CDH13: variants seen among roughly 807,000 people sequenced by gnomAD.
CDH13 encodes the protein cadherin 13, also known as cadherin-13.
A neutral mutation model predicts 63.8 loss-of-function variants in CDH13; 24 were observed. The observed-to-expected ratio is 0.38, with a 90% confidence interval of 0.27 to 0.53. CDH13 has a LOEUF of 0.53. Among genes scored for constraint, CDH13 ranks in the 20% least tolerant of loss-of-function variants. The pLI is 0.85. For synonymous variants in CDH13, 503 were observed against 355.3 expected, an observed-to-expected ratio of 1.42 and a Z score of -4.67; for missense variants, 1,049 against 903.1, an observed-to-expected ratio of 1.16 and a Z score of -2.07.
intron 1 of CDH13, among the ~76,000 whole-genome samples, chr16:82,714,974 G>A (rs1381511): frequency 0.99 from 121,328 of 122,780 alleles, 59,965 homozygotes; most frequent in Middle Eastern, 1. Flanking sequence ...ACACCAGCCA[G>A]TGTGTGATAC....
chr16:83,547,733 C>T (rs140455635), intron 7 of CDH13, among the ~76,000 whole-genome samples: 5 of 152,150 alleles, frequency 3.3e-5, no homozygotes, highest in Non-Finnish European at 7.4e-5. Context: ...CATGTCTTTG[C>T]TATAGTGAAT....
intron 8 of CDH13, among the ~76,000 whole-genome samples, chr16:83,651,457 C>CCCAT (rs1912365669): frequency 6.6e-6 from 1 of 151,882 alleles, no homozygotes. Context: ...ATTAATTATT[C>CCCAT]CCATTTTGCA....
intron 3 of CDH13, among the ~76,000 whole-genome samples, chr16:83,050,701 A>G (rs1040066880): frequency 2.6e-5 from 4 of 151,666 alleles, no homozygotes; most frequent in African/African-American, 9.7e-5. Context: ...TCTACAGCGC[A>G]TCTCCACCCG....
intron 3 of CDH13, among the ~76,000 whole-genome samples, chr16:83,073,485 C>T (rs1056258834): frequency 6.6e-6 from 1 of 152,044 alleles, no homozygotes; most frequent in African/African-American, 2.4e-5. Flanking sequence ...TAACCTATCA[C>T]AAAAGTTAGG....
At chr16:83,438,817 T>C (rs1381613254) in intron 6 of CDH13, among the ~76,000 whole-genome samples, 1 of 152,226 alleles carries the variant, frequency 6.6e-6, no homozygotes, top group African/African-American at 2.4e-5. Flanking sequence ...AGAAAGTCTA[T>C]GCAGCAGTGA....
At chr16:83,131,864 G>C (rs1567860828) in intron 4 of CDH13, among the ~76,000 whole-genome samples, 1 of 152,294 alleles carries the variant, frequency 6.6e-6, no homozygotes, top group East Asian at 1.9e-4. Context: ...GCCAAGTGCT[G>C]TTTGTAAAGG....
chr16:82,809,057 CAT>C (rs2151176205), intron 1 of CDH13, among the ~76,000 whole-genome samples: 1 of 152,064 alleles, frequency 6.6e-6, no homozygotes, highest in African/African-American at 2.4e-5. Flanking sequence ...TGTATGAATA[CAT>C]ATGTGTTTGT....
intron 3 of CDH13, among the ~76,000 whole-genome samples, chr16:83,111,310 T>C (rs2035046679): frequency 6.6e-6 from 1 of 152,194 alleles, no homozygotes; most frequent in Non-Finnish European, 1.5e-5. Flanking sequence ...GATAGAAGAA[T>C]GTCCCATGTG....
chr16:82,842,147 T>TATATACATAC (rs2039057350), intron 1 of CDH13, among the ~76,000 whole-genome samples: 4 of 21,438 alleles, frequency 1.9e-4, no homozygotes, highest in Non-Finnish European at 3.4e-4. Context: ...TACACATATA[T>TATATACATAC]ATATATATAT....
At chr16:83,098,744 G>A (rs897658713) in intron 3 of CDH13, among the ~76,000 whole-genome samples, 4 of 152,060 alleles carry the variant, frequency 2.6e-5, no homozygotes, top group Non-Finnish European at 4.4e-5. Flanking sequence ...TTTTTCCTCT[G>A]TGTGCCATGT....
intron 1 of CDH13, among the ~76,000 whole-genome samples, chr16:82,669,237 C>T (rs1912959953): frequency 1.3e-5 from 2 of 152,218 alleles, no homozygotes; most frequent in South Asian, 2.1e-4. Context: ...AACATTGGGT[C>T]AGCATGTTAG....
At chr16:83,615,165 C>T (rs10514590) in intron 8 of CDH13, among the ~76,000 whole-genome samples, 11,939 of 152,032 alleles carry the variant, frequency 0.079, 913 homozygotes, top group African/African-American at 0.19. Flanking sequence ...TCCAGGATTC[C>T]GTGCAATATA....
chr16:83,666,419 G>A (rs1382825053), intron 8 of CDH13, among the ~76,000 whole-genome samples: 1 of 152,166 alleles, frequency 6.6e-6, no homozygotes, highest in Non-Finnish European at 1.5e-5. Context: ...TAATTGTGTT[G>A]AATGTTTTCC....
intron 7 of CDH13, among the ~76,000 whole-genome samples, chr16:83,491,568 GTT>G (rs57321427): frequency 2.9e-3 from 412 of 143,226 alleles, no homozygotes; most frequent in Middle Eastern, 0.011. Flanking sequence ...AATGGTCAGG[GTT>G]TTTTTTTTTT....
intron 1 of CDH13, among the ~76,000 whole-genome samples, chr16:82,716,005 C>T (rs1020004375): frequency 6.6e-6 from 1 of 152,192 alleles, no homozygotes; most frequent in Non-Finnish European, 1.5e-5. Context: ...GTCAGCTTCC[C>T]TGCAGTCTGC....
At chr16:83,678,687 G>T (rs544655310) in intron 10 of CDH13, among the ~76,000 whole-genome samples, 2 of 152,194 alleles carry the variant, frequency 1.3e-5, no homozygotes, top group African/African-American at 2.4e-5. Context: ...CCTGGGAGAA[G>T]AGTAGCTTCA....
chr16:83,344,840 C>T (rs755314896), intron 5 of CDH13, 22 bp from the exon 6 acceptor site: 1 of 1,612,256 alleles, frequency 6.2e-7, no homozygotes, highest in South Asian at 1.1e-5. Flanking sequence ...TTCTTTCTCC[C>T]CCAATCTCTT....
chr16:83,112,471 T>G (rs1204622366), intron 3 of CDH13, among the ~76,000 whole-genome samples: 3 of 152,222 alleles, frequency 2.0e-5, no homozygotes, highest in African/African-American at 7.2e-5. Flanking sequence ...GGTGGTATTT[T>G]TCTATTTGGA....
chr16:83,567,030 CTG>C (rs1904287171), intron 7 of CDH13, among the ~76,000 whole-genome samples: 2 of 152,166 alleles, frequency 1.3e-5, no homozygotes, highest in Non-Finnish European at 2.9e-5. Context: ...GTTCTAGGCT[CTG>C]TGCTTCTGTC....
Sources: gnomAD v4.1 joint callset for allele counts (sites outside exome capture counted in the v4.1 genomes callset) on GRCh38, gnomAD v4.1.1 for gene constraint, MANE v1.5 for transcripts, NCBI Gene and HGNC (gene_info 2026-07-23, HGNC 2026-07-21) for gene names.